Variants in DEPDC1B observed in about 807,000 individuals in gnomAD.
The protein encoded by DEPDC1B is DEP domain containing 1B, also known as DEP domain-containing protein 1B.
Under a neutral mutation model 66.5 loss-of-function variants are expected in DEPDC1B, and 51 were observed. That is an observed-to-expected ratio of 0.77 (90% confidence interval 0.61 to 0.97). The LOEUF (loss-of-function observed/expected upper bound fraction) is 0.97, where lower values mean the gene tolerates loss of function less well. Ranked by LOEUF, DEPDC1B falls within the 50% of genes least tolerant of loss-of-function variation. DEPDC1B has a pLI of 0.00. For missense variants in DEPDC1B, 552 were observed against 637.1 expected (o/e 0.87, Z 1.44); for synonymous variants, 226 against 223.6 (o/e 1.01, Z -0.10).
At chr5:60,692,366 T>A (rs1754565769) in intron 1 of DEPDC1B, among the ~76,000 whole-genome samples, 1 of 152,220 alleles carries the variant, frequency 6.6e-6, no homozygotes, top group Non-Finnish European at 1.5e-5. Context: ...GTGATGGATA[T>A]GGTAATTAGC....
chr5:60,653,388 T>C (rs1005443759), intron 2 of DEPDC1B, among the ~76,000 whole-genome samples: 2 of 131,810 alleles, frequency 1.5e-5, no homozygotes, highest in African/African-American at 6.6e-5. Flanking sequence ...TGTGGGCCAT[T>C]CGCATATCTT....
At chr5:60,660,626 T>C (rs1753692150) in intron 2 of DEPDC1B, among the ~76,000 whole-genome samples, 2 of 152,196 alleles carry the variant, frequency 1.3e-5, no homozygotes, top group Non-Finnish European at 2.9e-5. Flanking sequence ...AAATAACTTT[T>C]AGGGGAAACC....
rs771282954 is a variant in DEPDC1B at position 60,599,246 on chromosome 5, T to C, written c.1257A>G (p.Gly419=). ...HLRRVQIKYP[G]ADMDITLSAP... ...CAGATAAAGTGATATCCATATCAGC[T>C]CCTGGGTATTTTATCTGAGGCAAAA... The change falls in exon 10 of 11, where the codon GGA becomes GGG. Residue 419 remains glycine (G), a synonymous_variant. Transcript: ENST00000265036. 1.9e-6 allele frequency: 3 copies of C among 1,597,194 alleles called. No homozygotes were observed. The highest frequency in any genetic ancestry group is 2.6e-6 in the Non-Finnish European group (3 of 1,175,204).
chr5:60,661,006 T>G (rs1753702452), intron 2 of DEPDC1B, among the ~76,000 whole-genome samples: 1 of 152,248 alleles, frequency 6.6e-6, no homozygotes, highest in African/African-American at 2.4e-5. Context: ...CTGTTTGCAC[T>G]CAGCCAAGCC....
chr5:60,682,556 C>A (rs1754319785), intron 2 of DEPDC1B, among the ~76,000 whole-genome samples: 1 of 151,770 alleles, frequency 6.6e-6, no homozygotes, highest in African/African-American at 2.4e-5. Context: ...ATAAAGAAAG[C>A]CTACATGACA....
intron 2 of DEPDC1B, among the ~76,000 whole-genome samples, chr5:60,682,696 G>A (rs1340233638): frequency 6.6e-6 from 1 of 151,990 alleles, no homozygotes; most frequent in Non-Finnish European, 1.5e-5. Flanking sequence ...TAAAGGAAAT[G>A]GATATATTCA....
chr5:60,614,145 C>A (rs1305648530), intron 7 of DEPDC1B, among the ~76,000 whole-genome samples: 3 of 152,104 alleles, frequency 2.0e-5, no homozygotes, highest in Non-Finnish European at 4.4e-5. Flanking sequence ...GTTTAAACTC[C>A]ACCAAATCTT....
At chr5:60,601,597 C>T (rs1232998087) in intron 9 of DEPDC1B, among the ~76,000 whole-genome samples, 1 of 152,138 alleles carries the variant, frequency 6.6e-6, no homozygotes, top group East Asian at 1.9e-4. Flanking sequence ...AAAATATTTA[C>T]TGCTATATTG....
At chr5:60,693,244 G>T (rs1228736520) in intron 1 of DEPDC1B, among the ~76,000 whole-genome samples, 2 of 152,136 alleles carry the variant, frequency 1.3e-5, no homozygotes, top group African/African-American at 4.8e-5. Flanking sequence ...TGGCAAATAT[G>T]AACTGGTTGG....
intron 8 of DEPDC1B, among the ~76,000 whole-genome samples, chr5:60,604,218 C>CTTTTTTTTTTTTTT (rs869142199): frequency 0.013 from 901 of 68,934 alleles, 203 homozygotes; most frequent in East Asian, 0.026. Context: ...ATTAACTATT[C>CTTTTTTTTTTTTTT]TTTTTTTTTT....
intron 2 of DEPDC1B, among the ~76,000 whole-genome samples, chr5:60,669,484 C>T (rs1481071532): frequency 6.6e-6 from 1 of 152,120 alleles, no homozygotes; most frequent in East Asian, 1.9e-4. Flanking sequence ...CTACTATTTC[C>T]CAGAAATCCA....
intron 2 of DEPDC1B, among the ~76,000 whole-genome samples, chr5:60,648,551 T>C (rs2111892872): frequency 6.6e-6 from 1 of 152,328 alleles, no homozygotes; most frequent in East Asian, 1.9e-4. Context: ...TATGAACTTC[T>C]GAAGGTTGAG....
At chr5:60,613,788 T>TTGTGTGTG (rs36109910) in intron 7 of DEPDC1B, among the ~76,000 whole-genome samples, 1,679 of 103,324 alleles carry the variant, frequency 0.016, 22 homozygotes, top group African/African-American at 0.045. Context: ...ACATATGTAT[T>TTGTGTGTG]TGTGTGTGTG....
intron 2 of DEPDC1B, among the ~76,000 whole-genome samples, chr5:60,664,621 C>G (rs1207230246): frequency 6.6e-6 from 1 of 152,092 alleles, no homozygotes; most frequent in African/African-American, 2.4e-5. Context: ...TGGCTGATCC[C>G]GACCTCAACT....
intron 1 of DEPDC1B, among the ~76,000 whole-genome samples, chr5:60,699,716 G>A (rs1754740155): frequency 6.6e-6 from 1 of 152,186 alleles, no homozygotes; most frequent in African/African-American, 2.4e-5. Context: ...TCAGGTTACC[G>A]ACCGGGTCGG....
intron 2 of DEPDC1B, among the ~76,000 whole-genome samples, chr5:60,657,891 G>T (rs1182505842): frequency 6.6e-6 from 1 of 152,142 alleles, no homozygotes; most frequent in African/African-American, 2.4e-5. Context: ...ATGTTTTCCA[G>T]ACTTTTAGAT....
intron 7 of DEPDC1B, among the ~76,000 whole-genome samples, chr5:60,619,957 A>G (rs1752663529): frequency 6.6e-6 from 1 of 152,188 alleles, no homozygotes; most frequent in African/African-American, 2.4e-5. Flanking sequence ...GACCAATGGA[A>G]CAGAACAGAG....
chr5:60,656,351 G>A lies in DEPDC1B; in HGVS notation c.315-8818C>T, dbSNP rs540566512. Among the ~76,000 whole-genome samples, 11 of 151,992 alleles carry A rather than the reference G, an allele frequency of 7.2e-5. 1 individual carries two copies. In the East Asian group the frequency reaches 7.7e-4, roughly 11 times the overall value. On this transcript the variant is annotated intron_variant, in intron 2 of 10. Transcript: ENST00000265036. ...AATTTTTTGTATTTTCAGTAGAGAC[G>A]GGGTTTCACTGTGGTCTCGATCTCC...
intron 2 of DEPDC1B, among the ~76,000 whole-genome samples, chr5:60,671,027 G>T (rs1192082401): frequency 2.6e-5 from 4 of 152,154 alleles, no homozygotes; most frequent in African/African-American, 9.7e-5. Flanking sequence ...TTGTCCCACT[G>T]TAACTGTGAA....
Sources: gnomAD v4.1 joint callset for allele counts (sites outside exome capture counted in the v4.1 genomes callset) on GRCh38, gnomAD v4.1.1 for gene constraint, MANE v1.5 for transcripts, NCBI Gene and HGNC (gene_info 2026-07-23, HGNC 2026-07-21) for gene names.